Variants in CTNNA3 observed in about 807,000 individuals in gnomAD.
CTNNA3 encodes the protein catenin alpha-3.
In CTNNA3, 76 loss-of-function variants were observed where a neutral mutation model predicts 95.7. The observed-to-expected ratio is 0.79, with a 90% CI of 0.66 to 0.96. The LOEUF (loss-of-function observed/expected upper bound fraction) is 0.96, where lower values mean the gene tolerates loss of function less well. CTNNA3 is among the 40% of genes least tolerant of loss of function. The pLI is 0.00. For missense variants in CTNNA3, 1,191 were observed against 1,089.8 expected, an observed-to-expected ratio of 1.09 and a Z score of -1.31; for synonymous variants, 431 against 374.4, an observed-to-expected ratio of 1.15 and a Z score of -1.74.
intron 9 of CTNNA3, among the ~76,000 whole-genome samples, chr10:66,691,645 G>A (rs1206457036): frequency 1.3e-5 from 2 of 152,168 alleles, no homozygotes; most frequent in Non-Finnish European, 2.9e-5. Flanking sequence ...CTGAGAATGG[G>A]CAGACTGCCT....
At chr10:67,337,958 C>T (rs1042745621) in intron 5 of CTNNA3, among the ~76,000 whole-genome samples, 3 of 152,128 alleles carry the variant, frequency 2.0e-5, no homozygotes, top group Non-Finnish European at 4.4e-5. Flanking sequence ...GCAATATTTG[C>T]TTTATTGCAG....
chr10:66,242,281 T>C (rs1039755926), intron 13 of CTNNA3, among the ~76,000 whole-genome samples: 5 of 152,036 alleles, frequency 3.3e-5, no homozygotes, highest in African/African-American at 1.2e-4. Flanking sequence ...AATAGATTAA[T>C]ACAAAGAGAG....
At chr10:67,745,111 G>A (rs903491896) in intron 1 of CTNNA3, among the ~76,000 whole-genome samples, 1 of 152,014 alleles carries the variant, frequency 6.6e-6, no homozygotes, top group African/African-American at 2.4e-5. Flanking sequence ...CGATTCCTCA[G>A]GGATCTAGAA....
chr10:67,429,823 T>C (rs1336357467), intron 5 of CTNNA3, among the ~76,000 whole-genome samples: 1 of 151,964 alleles, frequency 6.6e-6, no homozygotes, highest in East Asian at 1.9e-4. Flanking sequence ...ATTATAAATG[T>C]TCTCTCAAAG....
chr10:67,309,433 G>GT (rs1387593450), intron 5 of CTNNA3, among the ~76,000 whole-genome samples: 1 of 152,144 alleles, frequency 6.6e-6, no homozygotes, highest in Non-Finnish European at 1.5e-5. Context: ...AAGTATGATT[G>GT]TAAGATAAAA....
intron 1 of CTNNA3, chr10:67,750,182 C>T: frequency 2.4e-6 from 3 of 1,226,138 alleles, no homozygotes; most frequent in Non-Finnish European, 3.5e-6. Flanking sequence ...TGGCTTCATT[C>T]TTGAAGTCAG....
At chr10:66,204,473 A>C (rs530621076) in intron 13 of CTNNA3, among the ~76,000 whole-genome samples, 6 of 152,226 alleles carry the variant, frequency 3.9e-5, no homozygotes, top group African/African-American at 1.4e-4. Flanking sequence ...AAACCTTTCA[A>C]TGGTTCTGGG....
chr10:66,918,220 A>T (rs558526922), intron 7 of CTNNA3, among the ~76,000 whole-genome samples: 1 of 152,348 alleles, frequency 6.6e-6, no homozygotes, highest in African/African-American at 2.4e-5. Context: ...ACAACAAATA[A>T]TTGCTGTTGC....
chr10:67,188,924 C>T (rs1176596418), intron 6 of CTNNA3, among the ~76,000 whole-genome samples: 1 of 151,998 alleles, frequency 6.6e-6, no homozygotes, highest in African/African-American at 2.4e-5. Flanking sequence ...CAAGACCAGC[C>T]TGGGCAACAT....
At chr10:66,114,889 AG>A (rs1468950236) in intron 13 of CTNNA3, among the ~76,000 whole-genome samples, 2 of 151,890 alleles carry the variant, frequency 1.3e-5, no homozygotes, top group African/African-American at 4.8e-5. Context: ...AAAAAAAAAA[AG>A]AAAAAGAAAA....
intron 5 of CTNNA3, among the ~76,000 whole-genome samples, chr10:67,414,334 G>A (rs1386316526): frequency 6.6e-6 from 1 of 151,938 alleles, no homozygotes; most frequent in African/African-American, 2.4e-5. Flanking sequence ...AAAATCTAAA[G>A]GAAATGGATA....
chr10:66,506,192 T>C (rs1393275273), intron 11 of CTNNA3, among the ~76,000 whole-genome samples: 2 of 152,092 alleles, frequency 1.3e-5, no homozygotes, highest in African/African-American at 2.4e-5. Context: ...AAGCTGTTCA[T>C]GAAGGATCCA....
At chr10:65,930,221 A>C (rs1418670449) in intron 17 of CTNNA3, among the ~76,000 whole-genome samples, 4 of 150,092 alleles carry the variant, frequency 2.7e-5, no homozygotes, top group South Asian at 2.1e-4. Flanking sequence ...AAAAAAAAAA[A>C]AAAAACAGAA....
chr10:66,023,967 A>C (rs2079278394), intron 15 of CTNNA3, among the ~76,000 whole-genome samples: 1 of 152,168 alleles, frequency 6.6e-6, no homozygotes, highest in African/African-American at 2.4e-5. Context: ...GACTATTCAG[A>C]AACATTTCTT....
Position 67,427,172 on chromosome 10 carries a change from ATT to A in CTNNA3, c.579+94668_579+94669del, listed in dbSNP as rs1438083358. On this transcript the variant is annotated intron_variant, in intron 5 of 17. Coordinates refer to ENST00000433211, the MANE Select transcript of CTNNA3 (RefSeq NM_013266.4). Reference sequence around the variant, plus strand: ...TGGGGGATGTTTAAAAGATCTACCAATTTTGCTTCTATAAAAGGCTAAATAAA... The same window carrying A: ...TGGGGGATGTTTAAAAGATCTACCAATTGCTTCTATAAAAGGCTAAATAAA... Among the ~76,000 whole-genome samples, 41 of 151,958 alleles carry A rather than the reference ATT, an allele frequency of 2.7e-4. 1 individual carries two copies. Among genetic ancestry groups the A allele is most frequent in the African/African-American group, 8.9e-4 (37 of 41,388 alleles).
intron 13 of CTNNA3, among the ~76,000 whole-genome samples, chr10:66,160,404 A>G (rs1264201082): frequency 1.3e-5 from 2 of 151,992 alleles, no homozygotes; most frequent in Non-Finnish European, 2.9e-5. Context: ...AGTTCGAATA[A>G]TTTCTTAATT....
intron 13 of CTNNA3, among the ~76,000 whole-genome samples, chr10:66,110,147 G>C (rs188486878): frequency 6.3e-4 from 95 of 151,942 alleles, no homozygotes; most frequent in African/African-American, 2.2e-3. Flanking sequence ...GATCACCTGA[G>C]GTCAAGAGTT....
intron 5 of CTNNA3, among the ~76,000 whole-genome samples, chr10:67,336,925 C>A (rs1842015828): frequency 1.3e-5 from 2 of 152,252 alleles, no homozygotes; most frequent in Non-Finnish European, 2.9e-5. Flanking sequence ...TATTACAGTT[C>A]TTTGACAATG....
chr10:67,134,029 T>A (rs145795062), intron 7 of CTNNA3, among the ~76,000 whole-genome samples: 42 of 152,210 alleles, frequency 2.8e-4, no homozygotes, highest in South Asian at 8.3e-4. Context: ...TGAGTCAAGT[T>A]ACATGATTTG....
Sources: allele counts gnomAD v4.1 joint callset (sites outside exome capture counted in the v4.1 genomes callset), GRCh38; gene constraint gnomAD v4.1.1; transcripts MANE v1.5; gene names NCBI Gene and HGNC (gene_info 2026-07-23, HGNC 2026-07-21).